The following THSD7B variants were observed in gnomAD, a reference collection of about 807,000 sequenced individuals.
THSD7B encodes the protein thrombospondin type-1 domain-containing protein 7B.
THSD7B carries 138 observed loss-of-function variants against 213.6 expected under a neutral mutation model. The ratio of observed to expected loss-of-function variants is 0.65; its 90% CI spans 0.56 to 0.74. The LOEUF is 0.74. Among genes scored for constraint, THSD7B ranks in the 30% least tolerant of loss-of-function variants. The pLI is 0.00. For synonymous variants in THSD7B, 742 were observed against 687.0 expected (o/e 1.08, Z -1.25); for missense variants, 1,931 against 1,991.5 (o/e 0.97, Z 0.58).
Position 137,231,118 on chromosome 2 carries a change from A to G in THSD7B, c.1798A>G (p.Met600Val), listed in dbSNP as rs1427578911. Residue 600 changes from methionine (M) to valine (V), a missense_variant, in exon 8 of 28, where the codon ATG (methionine) becomes GTG (valine). Met to Val is a conservative substitution (Grantham distance 21, BLOSUM62 1). Transcript: ENST00000409968. Reference protein sequence around the residue: ...ERKSCEIPCRMDCVLSEWTEW... With the variant: ...ERKSCEIPCRVDCVLSEWTEW... ...GAAGTCTTGTGAAATTCCCTGCCGA[A>G]TGGACTGTGTGCTGAGCGAGTGGAC... 1 of 1,613,714 alleles carries G rather than the reference A, an allele frequency of 6.2e-7. No individual in the cohort carries two copies. The highest frequency in any genetic ancestry group is 2.2e-5 in the East Asian group (1 of 44,886).
chr2:137,658,947 G>A (rs1417858916), intron 24 of THSD7B, among the ~76,000 whole-genome samples: 1 of 152,156 alleles, frequency 6.6e-6, no homozygotes, highest in Non-Finnish European at 1.5e-5. Flanking sequence ...TTTGTCTCAT[G>A]TCTCTTTTAC....
At chr2:137,232,117 C>T (rs1681654131) in intron 8 of THSD7B, among the ~76,000 whole-genome samples, 1 of 152,094 alleles carries the variant, frequency 6.6e-6, no homozygotes, top group African/African-American at 2.4e-5. Context: ...GTCACAGATC[C>T]TGGGCATTTG....
At chr2:137,609,440 T>C (rs1274434465) in intron 17 of THSD7B, among the ~76,000 whole-genome samples, 1 of 152,190 alleles carries the variant, frequency 6.6e-6, no homozygotes, top group Non-Finnish European at 1.5e-5. Flanking sequence ...CAGCAAGTCA[T>C]GCAGGTACTG....
chr2:136,965,050 C>T (rs1376822315), intron 2 of THSD7B, among the ~76,000 whole-genome samples: 1 of 149,838 alleles, frequency 6.7e-6, no homozygotes, highest in Non-Finnish European at 1.5e-5. Context: ...TACCAGCTGT[C>T]TGTATTGTCT....
At chr2:137,439,764 G>A (rs1176954285) in intron 14 of THSD7B, among the ~76,000 whole-genome samples, 1 of 151,956 alleles carries the variant, frequency 6.6e-6, no homozygotes, top group Non-Finnish European at 1.5e-5. Context: ...CAGTTTTTTG[G>A]CAAATGAAAA....
rs775249555 is a variant in THSD7B at position 137,056,455 on chromosome 2, G to A, written c.175G>A (p.Gly59Arg). Residue 59 changes from glycine (G) to arginine (R), a missense_variant, in exon 3 of 28, where the codon GGA becomes AGA. Gly to Arg is a moderately radical substitution (Grantham distance 125). Transcript: ENST00000409968. The stretch of plus-strand genomic sequence containing the variant: ...AAGGTGTACAGGAGACTGTGGTCCC[G>A]GAGGAGTCCAGAGTCGGGCAGTGTG... ...WGRCTGDCGP[G>R]GVQSRAVWCF... is the part of the protein sequence containing the mutation. The A allele has an allele frequency of 8.7e-6, 14 of 1,613,782 alleles. No individual in the cohort carries two copies. The East Asian group carries it at 2.2e-4, about 26-fold the overall frequency.
At chr2:137,407,935 T>C (rs1352381611) in intron 13 of THSD7B, among the ~76,000 whole-genome samples, 1 of 150,516 alleles carries the variant, frequency 6.6e-6, no homozygotes, top group Admixed American at 6.6e-5. Flanking sequence ...ATATGAGATA[T>C]AATATATAAA....
At chr2:137,449,105 T>C (rs933980474) in intron 14 of THSD7B, among the ~76,000 whole-genome samples, 6 of 151,986 alleles carry the variant, frequency 3.9e-5, no homozygotes, top group African/African-American at 9.6e-5. Context: ...TTTCCCCCCC[T>C]CAAAGTAATT....
intron 22 of THSD7B, 118 bp downstream of exon 22, chr2:137,655,778 C>T (rs1573769263): frequency 4.9e-6 from 6 of 1,230,602 alleles, no homozygotes; most frequent in South Asian, 1.7e-5. Context: ...AACTTTAATT[C>T]ATTTTTAATT....
intron 15 of THSD7B, among the ~76,000 whole-genome samples, chr2:137,503,277 C>T (rs1679752506): frequency 6.6e-6 from 1 of 152,106 alleles, no homozygotes; most frequent in Admixed American, 6.5e-5. Context: ...GCAGCCCAGT[C>T]ATAACACAGA....
At chr2:137,058,720 G>T (rs916917714) in intron 3 of THSD7B, among the ~76,000 whole-genome samples, 1 of 152,144 alleles carries the variant, frequency 6.6e-6, no homozygotes, top group African/African-American at 2.4e-5. Flanking sequence ...GAGGCATGGG[G>T]CCTTTGGGAG....
intron 2 of THSD7B, among the ~76,000 whole-genome samples, chr2:137,047,334 A>G (rs919499118): frequency 6.6e-5 from 10 of 152,216 alleles, no homozygotes; most frequent in African/African-American, 2.4e-4. Flanking sequence ...TACTGGGTAT[A>G]TAGGTGTTTT....
chr2:137,270,510 A>C (rs2104803885), intron 10 of THSD7B, among the ~76,000 whole-genome samples: 1 of 152,300 alleles, frequency 6.6e-6, no homozygotes, highest in Non-Finnish European at 1.5e-5. Context: ...CTCAGAAACA[A>C]AAGGAGAGGG....
intron 2 of THSD7B, among the ~76,000 whole-genome samples, chr2:136,915,161 C>T (rs1177349889): frequency 6.6e-6 from 1 of 152,150 alleles, no homozygotes; most frequent in Non-Finnish European, 1.5e-5. Flanking sequence ...GGAACCACAT[C>T]CATGCATTGA....
rs749153092 is a variant in THSD7B at position 137,280,598 on chromosome 2, T to C, written c.2500+4572T>C. On this transcript the variant is annotated intron_variant, in intron 12 of 27. Transcript: ENST00000409968. ...TAGCTGTAGCTAAGCGTCTACACCA[T>C]CTCCAGAAAGATGGGCATTTTGGGT... 7.8e-4 allele frequency among the ~76,000 whole-genome samples: 118 copies of C among 152,224 alleles called. 1 individual carries two copies. Among genetic ancestry groups the C allele is most frequent in the Non-Finnish European group, 1.3e-3 (88 of 67,998 alleles).
intron 19 of THSD7B, among the ~76,000 whole-genome samples, chr2:137,620,379 A>T (rs898724477): frequency 6.6e-6 from 1 of 152,070 alleles, no homozygotes; most frequent in African/African-American, 2.4e-5. Flanking sequence ...AGCCTAATAG[A>T]GTTTAGGATT....
chr2:137,415,708 A>T (rs977161923), intron 14 of THSD7B, among the ~76,000 whole-genome samples: 15 of 139,816 alleles, frequency 1.1e-4, no homozygotes, highest in South Asian at 2.4e-4. Context: ...AGGACAAAAA[A>T]GTACTCTAGC....
At chr2:137,284,137 T>C (rs1683109838) in intron 12 of THSD7B, among the ~76,000 whole-genome samples, 1 of 152,176 alleles carries the variant, frequency 6.6e-6, no homozygotes, top group Admixed American at 6.5e-5. Flanking sequence ...GGAGAGTGTA[T>C]GTGTCAAGGA....
chr2:137,268,234 A>G (rs1285353748), intron 10 of THSD7B, among the ~76,000 whole-genome samples: 2 of 152,022 alleles, frequency 1.3e-5, no homozygotes, highest in South Asian at 2.1e-4. Context: ...TACATGTGCC[A>G]TGTTGGTTTG....
Sources: allele counts gnomAD v4.1 joint callset (sites outside exome capture counted in the v4.1 genomes callset), GRCh38; gene constraint gnomAD v4.1.1; transcripts MANE v1.5; gene names NCBI Gene and HGNC (gene_info 2026-07-23, HGNC 2026-07-21).